Variants in TCF12 observed in about 807,000 individuals in gnomAD.
TCF12 encodes the protein transcription factor 12, also known as DNA-binding protein HTF4.
In TCF12, 45 loss-of-function variants were observed where a neutral mutation model predicts 86.0. The observed-to-expected ratio is 0.52, with a 90% confidence interval of 0.41 to 0.67. TCF12 has a LOEUF of 0.67. Among genes scored for constraint, TCF12 ranks in the 30% least tolerant of loss-of-function variants. TCF12 has a pLI of 0.00. For synonymous variants in TCF12, 330 were observed against 299.6 expected, an observed-to-expected ratio of 1.10 and a Z score of -1.05; for missense variants, 881 against 859.9, an observed-to-expected ratio of 1.02 and a Z score of -0.31.
chr15:57,215,143 G>A (rs1479769804), intron 8 of TCF12, among the ~76,000 whole-genome samples: 1 of 152,098 alleles, frequency 6.6e-6, no homozygotes, highest in Non-Finnish European at 1.5e-5. Context: ...TTACAAAGTA[G>A]CATATACTAC....
intron 5 of TCF12, among the ~76,000 whole-genome samples, chr15:57,124,631 C>T (rs2051496775): frequency 6.6e-6 from 1 of 152,148 alleles, no homozygotes; most frequent in Non-Finnish European, 1.5e-5. Flanking sequence ...TGTCAGTGCA[C>T]TAACATTTTC....
rs55707134 is a variant in TCF12, at chr15:56,958,678, A to AGTGTGT, written c.148+37612_148+37617dup. On this transcript the variant is annotated intron_variant, in intron 3 of 20. Coordinates refer to ENST00000333725, the MANE Select transcript of TCF12 (RefSeq NM_207037.2). Reference sequence around the variant, plus strand: ...ATATGAGAAAGAGAGAGAGAGAGAGAGTGTGTGTGTGTGTGTGTGTGTGTG... The same window carrying AGTGTGT: ...ATATGAGAAAGAGAGAGAGAGAGAGAGTGTGTGTGTGTGTGTGTGTGTGTGTGTGTG... Among the ~76,000 whole-genome samples, 999 of 142,218 alleles carry AGTGTGT rather than the reference A, an allele frequency of 7.0e-3. 15 individuals are homozygous for AGTGTGT. Among genetic ancestry groups the AGTGTGT allele is most frequent in the East Asian group, 0.058 (285 of 4,908 alleles). 93.3% of individuals were successfully genotyped at this position (142,218 alleles called of 152,430 possible).
chr15:56,955,011 G>A (rs547554705), intron 3 of TCF12, among the ~76,000 whole-genome samples: 134 of 152,232 alleles, frequency 8.8e-4, no homozygotes, highest in Middle Eastern at 3.4e-3. Context: ...CAAGGATCTA[G>A]AACTAGAAAT....
At chr15:56,978,713 ATATCT>A (rs1246835820) in intron 3 of TCF12, among the ~76,000 whole-genome samples, 18 of 152,296 alleles carry the variant, frequency 1.2e-4, no homozygotes, top group African/African-American at 3.8e-4. Flanking sequence ...TGATAGAAAA[ATATCT>A]TATGAAGAAT....
rs1286291362 is a variant in TCF12 at position 57,288,902 on chromosome 15, C to T, written c.*2757C>T. On this transcript the variant is annotated 3_prime_UTR_variant, in exon 21 of 21. Coordinates refer to ENST00000333725, the MANE Select transcript of TCF12 (RefSeq NM_207037.2). ...AGCACTTTTCACATTTCCCCATACC[C>T]TTTCTCACAAAAAAAGTGTCATAAT... The T allele has an allele frequency of 6.6e-6, 1 of 152,090 alleles. No homozygotes were observed. The highest frequency in any genetic ancestry group is 2.1e-4 in the South Asian group (1 of 4,820). 9.4% of individuals were successfully genotyped at this position (152,090 alleles called of 1,614,324 possible).
chr15:57,093,818 A>T (rs1214506186), intron 5 of TCF12, among the ~76,000 whole-genome samples: 1 of 152,242 alleles, frequency 6.6e-6, no homozygotes, highest in Non-Finnish European at 1.5e-5. Context: ...ATTTGTAAGT[A>T]GATTGATCTC....
intron 5 of TCF12, among the ~76,000 whole-genome samples, chr15:57,157,470 A>G (rs2054190137): frequency 6.6e-6 from 1 of 152,170 alleles, no homozygotes; most frequent in Non-Finnish European, 1.5e-5. Context: ...GTTATCAAGG[A>G]CAATTTAGAA....
chr15:57,010,200 G>A (rs1328518706), intron 3 of TCF12, among the ~76,000 whole-genome samples: 2 of 151,800 alleles, frequency 1.3e-5, no homozygotes, highest in East Asian at 3.9e-4. Flanking sequence ...AGAAGGCCAG[G>A]GAATGTTCAA....
At chr15:57,235,079 T>C (rs2059324948) in intron 12 of TCF12, among the ~76,000 whole-genome samples, 1 of 152,186 alleles carries the variant, frequency 6.6e-6, no homozygotes, top group South Asian at 2.1e-4. Context: ...AATACCAGCT[T>C]CTTGGAAAAT....
At chr15:57,075,835 T>TTTTCTTTTC (rs2069942602) in intron 4 of TCF12, among the ~76,000 whole-genome samples, 1 of 49,994 alleles carries the variant, frequency 2.0e-5, no homozygotes, top group African/African-American at 9.7e-5. Context: ...TCTCTCTCTC[T>TTTTCTTTTC]TTTCTTTCTT....
At chr15:57,065,124 C>T (rs1279053164) in intron 4 of TCF12, among the ~76,000 whole-genome samples, 13 of 152,012 alleles carry the variant, frequency 8.6e-5, no homozygotes, top group Non-Finnish European at 1.9e-4. Context: ...CTGGGATAGT[C>T]GTATGGAATC....
At chr15:57,150,545 G>A (rs953927114) in intron 5 of TCF12, among the ~76,000 whole-genome samples, 1 of 152,056 alleles carries the variant, frequency 6.6e-6, no homozygotes, top group African/African-American at 2.4e-5. Flanking sequence ...GACATTCTTT[G>A]AAGGAATACA....
intron 5 of TCF12, among the ~76,000 whole-genome samples, chr15:57,162,853 C>T (rs113669753): frequency 6.6e-6 from 1 of 151,610 alleles, no homozygotes; most frequent in African/African-American, 2.4e-5. Flanking sequence ...AGAGTTCTTA[C>T]TAGGACATTT....
intron 4 of TCF12, among the ~76,000 whole-genome samples, chr15:57,066,933 G>A (rs1596363468): frequency 6.6e-6 from 1 of 152,114 alleles, no homozygotes; most frequent in African/African-American, 2.4e-5. Context: ...GCCTTACAGG[G>A]TCCTGACTTT....
rs571995811 is a variant in TCF12 at position 57,072,809 on chromosome 15, A to G, written c.222+8986A>G. ...GAATGTTCTGAATGTGAAGAAAACTATGAGTAAGAAAAAGGGTGTGTTTTA... is the reference window on the plus strand; with the variant it reads ...GAATGTTCTGAATGTGAAGAAAACTGTGAGTAAGAAAAAGGGTGTGTTTTA... On this transcript the variant is annotated intron_variant, in intron 4 of 20. Transcript: ENST00000333725. The G allele has an allele frequency of 9.2e-5, 76 of 824,876 alleles. No homozygotes were observed. In the African/African-American group the frequency reaches 1.2e-3, roughly 13 times the overall value. 51.1% of individuals were successfully genotyped at this position (824,876 alleles called of 1,614,324 possible).
intron 5 of TCF12, among the ~76,000 whole-genome samples, chr15:57,104,073 A>G (rs1218882566): frequency 6.6e-6 from 1 of 152,214 alleles, no homozygotes; most frequent in Admixed American, 6.5e-5. Flanking sequence ...ACAGTATTTC[A>G]TAGTGGAAAG....
At chr15:57,277,627 CAAAAAAA>C (rs572510620) in intron 19 of TCF12, among the ~76,000 whole-genome samples, 1 of 74,910 alleles carries the variant, frequency 1.3e-5, no homozygotes, top group East Asian at 4.3e-4. Context: ...GACTCCATCT[CAAAAAAA>C]AAAAAAAAAA....
intron 3 of TCF12, among the ~76,000 whole-genome samples, chr15:57,011,220 A>G (rs1327424979): frequency 6.6e-6 from 1 of 152,146 alleles, no homozygotes; most frequent in Non-Finnish European, 1.5e-5. Context: ...GGGTCCTGCT[A>G]GGAGTAATTG....
chr15:56,946,843 C>CATGCTGG (rs2140406061), intron 3 of TCF12, among the ~76,000 whole-genome samples: 1 of 147,094 alleles, frequency 6.8e-6, no homozygotes, highest in East Asian at 2.0e-4. Context: ...CTCTGTTGCC[C>CATGCTGG]ATGCTGGAGT....
Sources: allele counts gnomAD v4.1 joint callset (sites outside exome capture counted in the v4.1 genomes callset), GRCh38; gene constraint gnomAD v4.1.1; transcripts MANE v1.5; gene names NCBI Gene and HGNC (gene_info 2026-07-23, HGNC 2026-07-21).